The following EMP1 variants were observed in gnomAD, a reference collection of about 807,000 sequenced individuals.
EMP1 encodes the protein epithelial membrane protein 1, also known as tumor-associated membrane protein.
In EMP1, 5 loss-of-function variants were observed where a neutral mutation model predicts 15.7. The observed-to-expected ratio is 0.32, with a 90% confidence interval of 0.17 to 0.67. EMP1 has a LOEUF of 0.67. Ranked by LOEUF, EMP1 falls within the 30% of genes least tolerant of loss-of-function variation. EMP1 has a pLI of 0.74. For missense variants in EMP1, 166 were observed against 194.2 expected, an observed-to-expected ratio of 0.85 and a Z score of 0.86; for synonymous variants, 78 against 76.7, an observed-to-expected ratio of 1.02 and a Z score of -0.09.
chr12:13,201,627 C>T (rs1401401336), intron 1 of EMP1, among the ~76,000 whole-genome samples: 1 of 152,112 alleles, frequency 6.6e-6, no homozygotes, highest in Non-Finnish European at 1.5e-5. Flanking sequence ...CCTTGAGGAC[C>T]CACGGAGCCT....
At chr12:13,209,821 A>G (rs1360726931) in intron 1 of EMP1, among the ~76,000 whole-genome samples, 2 of 152,198 alleles carry the variant, frequency 1.3e-5, no homozygotes, top group Non-Finnish European at 2.9e-5. Flanking sequence ...AAAAGCAAAA[A>G]TGAATTTGAA....
intron 1 of EMP1, among the ~76,000 whole-genome samples, chr12:13,203,179 C>T (rs1864081347): frequency 2.0e-5 from 3 of 152,198 alleles, no homozygotes; most frequent in Admixed American, 6.5e-5. Context: ...GTTGGTCCCA[C>T]CCAAGCGCCG....
At chr12:13,210,244 T>A (rs1457696961) in intron 1 of EMP1, among the ~76,000 whole-genome samples, 3 of 152,208 alleles carry the variant, frequency 2.0e-5, no homozygotes, top group Non-Finnish European at 4.4e-5. Context: ...GAGAGGGCAG[T>A]GGAACAATTG....
In EMP1 at chr12:13,204,892, G is replaced by A. The variant is rs1233530313; in HGVS notation, c.-42-6577G>A. On this transcript the variant is annotated intron_variant, in intron 1 of 4. Transcript: ENST00000256951. The stretch of plus-strand genomic sequence containing the variant: ...CTTGACTGAGATTTTGAGATCTAAG[G>A]TGAAGGCCTCTGGTGAATCTTCTGA... Among the ~76,000 whole-genome samples the A allele has an allele frequency of 2.0e-5, 3 of 152,164 alleles. No homozygotes were observed. In the South Asian group the frequency reaches 6.2e-4, roughly 32 times the overall value.
chr12:13,213,436 A>T (rs1056142399), intron 2 of EMP1, 43 bp from the exon 3 acceptor site: 1 of 1,551,274 alleles, frequency 6.4e-7, no homozygotes, highest in Admixed American at 1.7e-5. Flanking sequence ...TTTAAATCAG[A>T]GGGCCAGCTT....
intron 1 of EMP1, among the ~76,000 whole-genome samples, chr12:13,208,741 G>A (rs961458671): frequency 7.9e-5 from 12 of 152,196 alleles, no homozygotes; most frequent in African/African-American, 2.4e-4. Flanking sequence ...AAGACAGGGA[G>A]GGCACCATCA....
chr12:13,209,942 A>G (rs1282441308), intron 1 of EMP1, among the ~76,000 whole-genome samples: 2 of 152,228 alleles, frequency 1.3e-5, no homozygotes, highest in South Asian at 4.1e-4. Context: ...ACATTCCTAA[A>G]AAACAGCCTG....
chr12:13,216,597 C>A lies in EMP1; in HGVS notation c.*1906C>A. 2 of 614,718 alleles carry A rather than the reference C, an allele frequency of 3.3e-6. No individual in the cohort carries two copies. The highest frequency in any genetic ancestry group is 5.8e-6 in the Non-Finnish European group (2 of 346,450). The allele number at this position is 614,718 out of a possible 1,614,324, so 38.1% of individuals were successfully genotyped here. A position where few individuals can be genotyped will look rare whatever the true frequency, so the allele number is the denominator to read the frequency against. ...TGGAGTAAACCATGTATTCCCTTATCTTTTACTTTTTTTCTGTGACATTTA... is the reference window on the plus strand; with the variant it reads ...TGGAGTAAACCATGTATTCCCTTATATTTTACTTTTTTTCTGTGACATTTA... On this transcript the variant is annotated 3_prime_UTR_variant, in exon 5 of 5. Coordinates refer to ENST00000256951, the MANE Select transcript of EMP1 (RefSeq NM_001423.3).
intron 1 of EMP1, chr12:13,199,289 C>G: frequency 6.6e-6 from 1 of 152,490 alleles, no homozygotes; most frequent in East Asian, 1.9e-4. Flanking sequence ...CCAGATTAGG[C>G]CCATCAAGTT....
intron 2 of EMP1, among the ~76,000 whole-genome samples, chr12:13,212,841 C>T (rs1384198928): frequency 6.6e-6 from 1 of 152,194 alleles, no homozygotes; most frequent in African/African-American, 2.4e-5. Context: ...ATGGCGGCAC[C>T]ATGATCAGTC....
chr12:13,214,609 G>A lies in EMP1; in HGVS notation c.392G>A (p.Gly131Asp). The A allele has an allele frequency of 6.2e-7, 1 of 1,613,910 alleles. No individual in the cohort carries two copies. Among genetic ancestry groups the A allele is most frequent in the Non-Finnish European group, 8.5e-7 (1 of 1,179,972 alleles). Residue 131 changes from glycine to aspartate, a missense_variant, in exon 5 of 5, where the codon GGC becomes GAC. Gly to Asp is a moderately conservative substitution (Grantham distance 94, BLOSUM62 -1). Transcript: ENST00000256951. ...CGTGATGGAACGCAGTATCACCACGGCTATTCCTACATCCTGGGCTGGATC... is the reference window on the plus strand; with the variant it reads ...CGTGATGGAACGCAGTATCACCACGACTATTCCTACATCCTGGGCTGGATC... ...ANRDGTQYHH[G>D]YSYILGWICF...
At chr12:13,202,010 A>T (rs567431844) in intron 1 of EMP1, among the ~76,000 whole-genome samples, 8 of 152,154 alleles carry the variant, frequency 5.3e-5, no homozygotes, top group Non-Finnish European at 8.8e-5. Flanking sequence ...GAGGGAGGGC[A>T]AGTGGGATGC....
At chr12:13,213,411 A>T in intron 2 of EMP1, 68 bp from the exon 3 acceptor site, 1 of 1,412,518 alleles carries the variant, frequency 7.1e-7, no homozygotes, top group Non-Finnish European at 1.0e-6. Context: ...ATGCAAGCTG[A>T]TTTGTTATTT....
Position 13,219,549 on chromosome 12 carries a change from G to T in EMP1, c.*4858G>T, listed in dbSNP as rs186031564. ...ATCTTTATAGCAATGCCCCACTCCTGGTACCAAATTCCTGTATTAGTCTGT... is the reference window on the plus strand; with the variant it reads ...ATCTTTATAGCAATGCCCCACTCCTTGTACCAAATTCCTGTATTAGTCTGT... On this transcript the variant is annotated 3_prime_UTR_variant, in exon 5 of 5. Coordinates refer to ENST00000256951, the MANE Select transcript of EMP1 (RefSeq NM_001423.3). 4.1e-4 allele frequency: 63 copies of T among 152,236 alleles called. No homozygotes were observed. Among genetic ancestry groups the T allele is most frequent in the African/African-American group, 1.4e-3 (60 of 41,522 alleles). The allele number at this position is 152,236 out of a possible 1,614,324, so 9.4% of individuals were successfully genotyped here.
Position 13,215,022 on chromosome 12 carries a change from G to T in EMP1, c.*331G>T, listed in dbSNP as rs904917446. On this transcript the variant is annotated 3_prime_UTR_variant, in exon 5 of 5. Coordinates refer to ENST00000256951, the MANE Select transcript of EMP1 (RefSeq NM_001423.3). ...TGCCACAACACCAGCCCCACTTCTG[G>T]GTCATGCACTGAGGTCCACAGACCT... 7 of 306,172 alleles carry T rather than the reference G, an allele frequency of 2.3e-5. No individual in the cohort carries two copies. The highest frequency in any genetic ancestry group is 4.5e-5 in the Non-Finnish European group (7 of 157,138). 19.0% of individuals were successfully genotyped at this position (306,172 alleles called of 1,614,324 possible).
rs1043424994 is a variant in EMP1, at chr12:13,215,007, C to G, written c.*316C>G. The G allele has an allele frequency of 2.4e-5, 8 of 331,326 alleles. No homozygotes were observed. Among genetic ancestry groups the G allele is most frequent in the African/African-American group, 1.7e-4 (8 of 47,406 alleles). 20.5% of individuals were successfully genotyped at this position (331,326 alleles called of 1,614,324 possible). ...TGGGGCCCCATCAGCTGCCACAACA[C>G]CAGCCCCACTTCTGGGTCATGCACT... On this transcript the variant is annotated 3_prime_UTR_variant, in exon 5 of 5. Transcript: ENST00000256951.
At chr12:13,206,355 G>T (rs1176595667) in intron 1 of EMP1, among the ~76,000 whole-genome samples, 1 of 152,168 alleles carries the variant, frequency 6.6e-6, no homozygotes, top group Admixed American at 6.5e-5. Flanking sequence ...TCTCCATGAT[G>T]CCTTTCATTC....
chr12:13,202,255 G>A (rs180719667), intron 1 of EMP1, among the ~76,000 whole-genome samples: 355 of 152,252 alleles, frequency 2.3e-3, no homozygotes, highest in African/African-American at 7.9e-3. Context: ...ATCTTTTGTC[G>A]CATTGGCTAC....
At chr12:13,201,768 C>T (rs924977682) in intron 1 of EMP1, among the ~76,000 whole-genome samples, 13 of 152,124 alleles carry the variant, frequency 8.5e-5, no homozygotes, top group African/African-American at 2.9e-4. Flanking sequence ...GGTGCCAGCT[C>T]AGATGAGGAG....
Sources: gnomAD v4.1 joint callset for allele counts (sites outside exome capture counted in the v4.1 genomes callset) on GRCh38, gnomAD v4.1.1 for gene constraint, MANE v1.5 for transcripts, NCBI Gene and HGNC (gene_info 2026-07-23, HGNC 2026-07-21) for gene names.